PCDH7: variants seen among roughly 807,000 people sequenced by gnomAD.
The protein encoded by PCDH7 is protocadherin 7.
PCDH7 carries 17 observed loss-of-function variants against 58.9 expected under a neutral mutation model. The observed-to-expected ratio is 0.29, with a 90% CI of 0.20 to 0.43. The LOEUF (loss-of-function observed/expected upper bound fraction) is 0.43, where lower values mean the gene tolerates loss of function less well. Among genes scored for constraint, PCDH7 ranks in the 20% least tolerant of loss-of-function variants. The probability of loss-of-function intolerance (pLI) is 1.00; values close to 1 mark genes in which losing one functional copy is unlikely to be tolerated. For missense variants in PCDH7, 1,274 were observed against 1,441.0 expected (o/e 0.88, Z 1.88); for synonymous variants, 664 against 616.4 (o/e 1.08, Z -1.14).
At chr4:31,076,145 C>A (rs1305717966) in intron 3 of PCDH7, among the ~76,000 whole-genome samples, 3 of 152,124 alleles carry the variant, frequency 2.0e-5, no homozygotes, top group Non-Finnish European at 4.4e-5. Context: ...GTTTTTGAAG[C>A]TCTTAGAGTG....
intron 1 of PCDH7, among the ~76,000 whole-genome samples, chr4:30,868,737 A>G (rs1040634451): frequency 5.3e-5 from 8 of 152,044 alleles, no homozygotes; most frequent in African/African-American, 1.9e-4. Flanking sequence ...AACAAAAGCA[A>G]TTTGTTCTTT....
In PCDH7 at chr4:30,723,392, C is replaced by G. The variant is rs201495027; in HGVS notation, c.1970C>G (p.Pro657Arg). The change falls in exon 1 of 2, where the codon CCT becomes CGT. Residue 657 changes from proline to arginine, a missense_variant. By Grantham distance (103) the Pro-to-Arg change is moderately radical. Transcript: ENST00000361762. This position sits in a 1 kb window ranked among gnomAD's most constrained non-coding sequence, Gnocchi z 4.6. ...AAAGAAAACTTGCAGCCCAACAGCC[C>G]TGTGGGGATGGTCACCGTGATGGAT... The G allele has an allele frequency of 1.9e-6, 3 of 1,614,234 alleles. No homozygotes were observed. The African/African-American group carries it at 4.0e-5, about 22-fold the overall frequency.
chr4:30,972,852 T>A (rs1158477279), intron 3 of PCDH7, among the ~76,000 whole-genome samples: 1 of 152,196 alleles, frequency 6.6e-6, no homozygotes, highest in Non-Finnish European at 1.5e-5. Context: ...CACATACATT[T>A]GCAAATAAAC....
chr4:31,143,917 T>A (rs926094616), downstream of PCDH7: 2 of 152,190 alleles, frequency 1.3e-5, no homozygotes, highest in Admixed American at 6.5e-5. Flanking sequence ...AATAGGCAAT[T>A]GGTTGAGGTT....
downstream of PCDH7, among the ~76,000 whole-genome samples, chr4:30,735,463 C>G (rs192377860): frequency 6.6e-6 from 1 of 152,266 alleles, no homozygotes; most frequent in African/African-American, 2.4e-5. Context: ...AAAGTCACTT[C>G]TGAGCAGCCC....
chr4:30,995,662 A>G (rs1455406299), intron 3 of PCDH7, among the ~76,000 whole-genome samples: 1 of 152,218 alleles, frequency 6.6e-6, no homozygotes, highest in Non-Finnish European at 1.5e-5. Flanking sequence ...TCACTGAACT[A>G]GAATCAAGGT....
intron 1 of PCDH7, among the ~76,000 whole-genome samples, chr4:30,858,834 G>A (rs1002974681): frequency 6.6e-6 from 1 of 151,980 alleles, no homozygotes; most frequent in Non-Finnish European, 1.5e-5. Context: ...TGTGTCCTGT[G>A]TGAGAATAGT....
chr4:31,063,026 A>T (rs1757808506), intron 3 of PCDH7, among the ~76,000 whole-genome samples: 1 of 151,834 alleles, frequency 6.6e-6, no homozygotes, highest in Non-Finnish European at 1.5e-5. Flanking sequence ...ATATGTGCTA[A>T]ATTAATCTTT....
At chr4:31,097,641 T>A (rs1714321088) in intron 3 of PCDH7, among the ~76,000 whole-genome samples, 1 of 103,950 alleles carries the variant, frequency 9.6e-6, no homozygotes, top group African/African-American at 4.2e-5. Flanking sequence ...TATATATAAA[T>A]CTTTTTTCTG....
chr4:31,116,206 A>G (rs1176795019), intron 3 of PCDH7, among the ~76,000 whole-genome samples: 1 of 152,180 alleles, frequency 6.6e-6, no homozygotes, highest in Non-Finnish European at 1.5e-5. Flanking sequence ...GTCTTTGTTG[A>G]GTTCCTGCAC....
chr4:31,054,030 A>G lies in PCDH7; in HGVS notation c.*8-88443A>G, dbSNP rs192794246. On this transcript the variant is annotated intron_variant, in intron 3 of 3. Transcript: ENST00000509759. The stretch of plus-strand genomic sequence containing the variant: ...ACTGGAGTACTGTGCCATAGTCACA[A>G]TCAGAGCTCACTGCAACCTCTACCT... 1.3e-3 allele frequency among the ~76,000 whole-genome samples: 204 copies of G among 152,198 alleles called. 5 individuals carry two copies. Among genetic ancestry groups the G allele is most frequent in the Admixed American group, 0.013 (204 of 15,278 alleles).
At chr4:31,134,923 C>T (rs977176705) in intron 3 of PCDH7, among the ~76,000 whole-genome samples, 4 of 152,130 alleles carry the variant, frequency 2.6e-5, no homozygotes, top group African/African-American at 9.7e-5. Flanking sequence ...ATCACTTCTG[C>T]CACATTCTGG....
intron 3 of PCDH7, among the ~76,000 whole-genome samples, chr4:31,096,332 G>A (rs1191325814): frequency 2.0e-5 from 3 of 152,126 alleles, no homozygotes; most frequent in Middle Eastern, 6.8e-3. Context: ...AAAGGATGTG[G>A]TCAAACATGC....
At chr4:30,725,164 A>C in intron 1 of PCDH7, 1 of 1,000,022 alleles carries the variant, frequency 1.0e-6, no homozygotes, top group Non-Finnish European at 1.2e-6. Flanking sequence ...TGGTTTAAAA[A>C]TATTTACTGA....
At chr4:30,945,566 C>G (rs1261651783) in intron 2 of PCDH7, among the ~76,000 whole-genome samples, 1 of 151,934 alleles carries the variant, frequency 6.6e-6, no homozygotes, top group Non-Finnish European at 1.5e-5. Flanking sequence ...AAAAATGCTT[C>G]AGGTCATGCC....
At chr4:30,954,018 G>A (rs1361924745) in intron 3 of PCDH7, among the ~76,000 whole-genome samples, 2 of 152,078 alleles carry the variant, frequency 1.3e-5, no homozygotes, top group African/African-American at 4.8e-5. Flanking sequence ...TAAAGCAAGA[G>A]CTGTCAGATC....
intron 1 of PCDH7, among the ~76,000 whole-genome samples, chr4:30,896,889 CTTTTTTTTT>C (rs71190474): frequency 1.6e-3 from 45 of 27,338 alleles, no homozygotes; most frequent in African/African-American, 2.0e-3. Flanking sequence ...TAGTTCTTTG[CTTTTTTTTT>C]TTTTTTTTTT....
At chr4:31,078,529 C>A (rs1247806260) in intron 3 of PCDH7, among the ~76,000 whole-genome samples, 1 of 149,290 alleles carries the variant, frequency 6.7e-6, no homozygotes. Context: ...TGATATGCTG[C>A]CCAGGCTGGT....
At chr4:30,728,296 TAG>T (rs67735645) in intron 1 of PCDH7, among the ~76,000 whole-genome samples, 1,381 of 105,328 alleles carry the variant, frequency 0.013, 16 homozygotes, top group East Asian at 0.032. Flanking sequence ...TATATATATA[TAG>T]AGAGAGAGAG....
Sources: gnomAD v4.1 joint callset for allele counts (sites outside exome capture counted in the v4.1 genomes callset) on GRCh38, gnomAD v4.1.1 for gene constraint, Gnocchi (gnomAD v3.1) non-coding constraint, MANE v1.5 for transcripts, NCBI Gene and HGNC (gene_info 2026-07-23, HGNC 2026-07-21) for gene names.